The following PARM1 variants were observed in gnomAD, a reference collection of about 807,000 sequenced individuals.
PARM1 encodes prostate androgen-regulated mucin-like protein 1.
Under a neutral mutation model 24.6 loss-of-function variants are expected in PARM1, and 14 were observed. The observed-to-expected ratio is 0.57, with a 90% confidence interval of 0.38 to 0.89. PARM1 has a LOEUF of 0.89. Ranked by LOEUF, PARM1 falls within the 40% of genes least tolerant of loss-of-function variation. The probability of loss-of-function intolerance (pLI) is 0.00; values close to 1 mark genes in which losing one functional copy is unlikely to be tolerated. For synonymous variants in PARM1, 179 were observed against 156.6 expected (o/e 1.14, Z -1.07); for missense variants, 362 against 380.4 (o/e 0.95, Z 0.40).
chr4:74,968,802 C>A (rs1721964143), intron 1 of PARM1, among the ~76,000 whole-genome samples: 1 of 152,174 alleles, frequency 6.6e-6, no homozygotes, highest in African/African-American at 2.4e-5. Flanking sequence ...CATGATGAAA[C>A]TTCCTTGAAC....
Position 75,008,039 on chromosome 4 carries a change from G to A in PARM1, c.44-4386G>A, listed in dbSNP as rs138014811. ...GTATTTAGTTACAGCAGTCCTAGCC[G>A]ACTAAGACAGCAAGCATTCTCTACG... is the stretch of plus-strand genomic sequence containing the variant. On this transcript the variant is annotated intron_variant, in intron 1 of 3. Transcript: ENST00000307428. Among the ~76,000 whole-genome samples, 215 of 152,264 alleles carry A rather than the reference G, an allele frequency of 1.4e-3. 1 individual carries two copies. Among genetic ancestry groups the A allele is most frequent in the Admixed American group, 2.7e-3 (42 of 15,306 alleles).
At chr4:74,942,494 C>T (rs770503827) in intron 1 of PARM1, among the ~76,000 whole-genome samples, 2 of 152,218 alleles carry the variant, frequency 1.3e-5, no homozygotes, top group Non-Finnish European at 2.9e-5. Context: ...AGACTTTCTT[C>T]CCCTAGGGGG....
chr4:74,956,917 T>A (rs1721648945), intron 1 of PARM1: 1 of 152,244 alleles, frequency 6.6e-6, no homozygotes, highest in African/African-American at 2.4e-5. Context: ...TAGAGAGTGG[T>A]TTGCCAGTAT....
intron 1 of PARM1, chr4:74,997,742 C>A (rs1452341960): frequency 6.6e-6 from 1 of 152,124 alleles, no homozygotes; most frequent in Non-Finnish European, 1.5e-5. Context: ...GACTCTGCCT[C>A]CGATGAAGCA....
At chr4:75,003,762 A>C (rs908929809) in intron 1 of PARM1, among the ~76,000 whole-genome samples, 5 of 152,192 alleles carry the variant, frequency 3.3e-5, no homozygotes, top group Non-Finnish European at 5.9e-5. Flanking sequence ...GAGCCCACCA[A>C]AGACAACTTG....
intron 2 of PARM1, among the ~76,000 whole-genome samples, chr4:75,021,659 G>A (rs1393319340): frequency 6.6e-6 from 1 of 151,684 alleles, no homozygotes; most frequent in Non-Finnish European, 1.5e-5. Context: ...TCCCTTCTTT[G>A]TGTCTACGTA....
At chr4:74,933,836 G>C (rs570263216) in intron 1 of PARM1, among the ~76,000 whole-genome samples, 4 of 152,162 alleles carry the variant, frequency 2.6e-5, no homozygotes, top group Non-Finnish European at 5.9e-5. Flanking sequence ...CGCGCCTGGC[G>C]GGGCTGGTTT....
At chr4:75,005,169 T>A (rs1234767303) in intron 1 of PARM1, among the ~76,000 whole-genome samples, 2 of 152,234 alleles carry the variant, frequency 1.3e-5, no homozygotes, top group Non-Finnish European at 2.9e-5. Flanking sequence ...TAGCAATTAC[T>A]CAGCACACAG....
intron 2 of PARM1, among the ~76,000 whole-genome samples, chr4:75,021,330 C>A (rs532823479): frequency 5.8e-4 from 88 of 152,322 alleles, no homozygotes; most frequent in African/African-American, 2.0e-3. Flanking sequence ...GCCCACCTCA[C>A]CTCTCTTCTC....
intron 1 of PARM1, among the ~76,000 whole-genome samples, chr4:74,940,529 A>T (rs1289769559): frequency 6.6e-6 from 1 of 152,180 alleles, no homozygotes; most frequent in African/African-American, 2.4e-5. Context: ...CTCTTTTATA[A>T]GACACTATCC....
intron 2 of PARM1, among the ~76,000 whole-genome samples, chr4:75,027,459 T>G (rs1345264185): frequency 6.6e-6 from 1 of 152,042 alleles, no homozygotes; most frequent in Non-Finnish European, 1.5e-5. Flanking sequence ...ACAAAGAGAC[T>G]TCCAATAATG....
intron 3 of PARM1, among the ~76,000 whole-genome samples, chr4:75,040,439 T>TG (rs1723459749): frequency 6.6e-6 from 1 of 151,814 alleles, no homozygotes; most frequent in African/African-American, 2.4e-5. Context: ...ACCCAGAGTC[T>TG]GGAAAAAAAA....
intron 2 of PARM1, among the ~76,000 whole-genome samples, chr4:75,016,023 A>G (rs1179841136): frequency 6.6e-6 from 1 of 152,230 alleles, no homozygotes; most frequent in African/African-American, 2.4e-5. Context: ...GTATGTTTCT[A>G]TTAATCCAAG....
At chr4:74,979,148 A>AC (rs1350418434) in intron 1 of PARM1, among the ~76,000 whole-genome samples, 1 of 150,504 alleles carries the variant, frequency 6.6e-6, no homozygotes, top group Non-Finnish European at 1.5e-5. Flanking sequence ...ACACACACAC[A>AC]AAAAAAAACC....
chr4:74,968,467 C>G (rs567315771), intron 1 of PARM1, among the ~76,000 whole-genome samples: 2 of 152,282 alleles, frequency 1.3e-5, no homozygotes, highest in South Asian at 4.1e-4. Context: ...GAATTCTATA[C>G]CATTTCAACT....
chr4:74,936,214 T>A (rs907103313), intron 1 of PARM1, among the ~76,000 whole-genome samples: 3 of 152,138 alleles, frequency 2.0e-5, no homozygotes, highest in African/African-American at 7.2e-5. Flanking sequence ...GAAAACTAGA[T>A]GTCTATTCTA....
chr4:74,991,320 G>A (rs1722462351), intron 1 of PARM1, among the ~76,000 whole-genome samples: 3 of 152,148 alleles, frequency 2.0e-5, no homozygotes, highest in Admixed American at 6.6e-5. Context: ...TCAATAGGCA[G>A]TAATTTCTAA....
At chr4:74,949,278 G>A (rs532313785) in intron 1 of PARM1, among the ~76,000 whole-genome samples, 2 of 152,276 alleles carry the variant, frequency 1.3e-5, no homozygotes, top group East Asian at 1.9e-4. Context: ...GTTTGGTTTT[G>A]TACTTAGTAA....
intron 1 of PARM1, chr4:74,955,971 A>C (rs578261512): frequency 1.4e-4 from 21 of 152,274 alleles, no homozygotes; most frequent in Admixed American, 1.1e-3. Flanking sequence ...AATTCAAAAG[A>C]AATCAGACTA....
Sources: gnomAD v4.1 joint callset for allele counts (sites outside exome capture counted in the v4.1 genomes callset) on GRCh38, gnomAD v4.1.1 for gene constraint, MANE v1.5 for transcripts, NCBI Gene and HGNC (gene_info 2026-07-23, HGNC 2026-07-21) for gene names.